RELN: variants seen among roughly 807,000 people sequenced by gnomAD.
RELN encodes the protein reelin.
A neutral mutation model predicts 427.6 loss-of-function variants in RELN; 108 were observed. The ratio of observed to expected loss-of-function variants is 0.25; its 90% CI spans 0.22 to 0.30. The LOEUF is 0.30. RELN is among the 10% of genes least tolerant of loss of function. The pLI is 1.00. For synonymous variants in RELN, 1,524 were observed against 1,513.4 expected, an observed-to-expected ratio of 1.01 and a Z score of -0.16; for missense variants, 3,715 against 4,302.8, an observed-to-expected ratio of 0.86 and a Z score of 3.82.
chr7:103,956,724 T>C (rs1271988892), intron 1 of RELN, among the ~76,000 whole-genome samples: 4 of 152,152 alleles, frequency 2.6e-5, no homozygotes, highest in Admixed American at 6.6e-5. Flanking sequence ...AATTTCAATG[T>C]AGACTTGAAA....
chr7:103,949,352 C>G (rs1176899516), intron 1 of RELN, among the ~76,000 whole-genome samples: 1 of 150,308 alleles, frequency 6.7e-6, no homozygotes, highest in Non-Finnish European at 1.5e-5. Flanking sequence ...ATCCTAGTCC[C>G]CATCCAAATT....
intron 2 of RELN, among the ~76,000 whole-genome samples, chr7:103,877,050 C>T (rs935489577): frequency 6.6e-6 from 1 of 152,026 alleles, no homozygotes; most frequent in Non-Finnish European, 1.5e-5. Context: ...CCCCTATGCC[C>T]TCACCCAGTG....
intron 1 of RELN, among the ~76,000 whole-genome samples, chr7:103,924,991 T>TACACATAC (rs757234824): frequency 4.1e-5 from 2 of 49,048 alleles, no homozygotes; most frequent in East Asian, 6.2e-4. Context: ...CGCATACACA[T>TACACATAC]ACACACACAC....
intron 3 of RELN, among the ~76,000 whole-genome samples, chr7:103,801,810 T>C (rs2116313347): frequency 6.6e-6 from 1 of 152,284 alleles, no homozygotes; most frequent in Non-Finnish European, 1.5e-5. Flanking sequence ...TTAAAGAATT[T>C]ATCCACACAA....
intron 63 of RELN, among the ~76,000 whole-genome samples, chr7:103,479,402 C>T (rs896032639): frequency 2.0e-5 from 3 of 152,196 alleles, no homozygotes; most frequent in Admixed American, 1.3e-4. Flanking sequence ...TGTTATGCCA[C>T]ATCATTCAGA....
intron 11 of RELN, among the ~76,000 whole-genome samples, chr7:103,678,454 TA>T (rs1833585406): frequency 6.6e-6 from 1 of 152,142 alleles, no homozygotes; most frequent in East Asian, 1.9e-4. Flanking sequence ...AAATCCCACT[TA>T]AAAAAATAAA....
At chr7:103,561,279 A>G (rs1830635470) in intron 36 of RELN, among the ~76,000 whole-genome samples, 1 of 152,262 alleles carries the variant, frequency 6.6e-6, no homozygotes, top group Non-Finnish European at 1.5e-5. Flanking sequence ...CTACATATAA[A>G]TTTATGTATA....
At chr7:103,746,202 C>T (rs200245443) in intron 6 of RELN, among the ~76,000 whole-genome samples, 2 of 151,830 alleles carry the variant, frequency 1.3e-5, no homozygotes, top group Non-Finnish European at 2.9e-5. Flanking sequence ...GCTGGGAAAA[C>T]TGGCTAGCCA....
chr7:103,575,056 A>C (rs1584309539), intron 29 of RELN, among the ~76,000 whole-genome samples: 2 of 152,344 alleles, frequency 1.3e-5, no homozygotes, highest in African/African-American at 4.8e-5. Flanking sequence ...GCAGCCATGC[A>C]GCATGTGGTT....
chr7:103,480,408 T>C (rs1303972541), intron 63 of RELN, among the ~76,000 whole-genome samples: 3 of 152,174 alleles, frequency 2.0e-5, no homozygotes, highest in Non-Finnish European at 4.4e-5. Flanking sequence ...ATGAATGAAT[T>C]GAAGTAATTA....
intron 1 of RELN, among the ~76,000 whole-genome samples, chr7:103,956,951 G>C (rs1258479805): frequency 6.6e-6 from 1 of 152,164 alleles, no homozygotes; most frequent in African/African-American, 2.4e-5. Flanking sequence ...TTAAGCCAAA[G>C]AGAAGATTAA....
intron 2 of RELN, among the ~76,000 whole-genome samples, chr7:103,908,543 G>C (rs1341431928): frequency 6.6e-6 from 1 of 152,096 alleles, no homozygotes; most frequent in Non-Finnish European, 1.5e-5. Context: ...ACGTTGAACT[G>C]ACTTTCTCTA....
chr7:103,594,611 T>C (rs1444848495), intron 25 of RELN, 119 bp from the exon 26 acceptor site: 8 of 1,107,662 alleles, frequency 7.2e-6, no homozygotes, highest in Non-Finnish European at 1.1e-5. Context: ...GATCTCAATA[T>C]TTTCCAAAAG....
At chr7:103,815,207 A>ATT (rs59908355) in intron 3 of RELN, among the ~76,000 whole-genome samples, 1 of 151,984 alleles carries the variant, frequency 6.6e-6, no homozygotes, top group Non-Finnish European at 1.5e-5. Context: ...TTGCTATGGA[A>ATT]TTTTTTTTCC....
chr7:103,504,609 G>A (rs1829145141), intron 51 of RELN: 1 of 152,310 alleles, frequency 6.6e-6, no homozygotes, highest in African/African-American at 2.4e-5. Flanking sequence ...CATGGAGGGT[G>A]AGCTGAAGCA....
At chr7:103,711,138 AC>A (rs1483437630) in intron 8 of RELN, among the ~76,000 whole-genome samples, 1 of 152,262 alleles carries the variant, frequency 6.6e-6, no homozygotes, top group Non-Finnish European at 1.5e-5. Flanking sequence ...CAGGGAGTTA[AC>A]AAAAATGTTG....
At chr7:103,722,462 A>T (rs1327260912) in intron 8 of RELN, among the ~76,000 whole-genome samples, 1 of 152,162 alleles carries the variant, frequency 6.6e-6, no homozygotes, top group Non-Finnish European at 1.5e-5. Flanking sequence ...AAAAGACAAC[A>T]TGTTTCTTCC....
intron 1 of RELN, among the ~76,000 whole-genome samples, chr7:103,920,855 T>C (rs1192661090): frequency 2.0e-5 from 3 of 152,186 alleles, no homozygotes; most frequent in Non-Finnish European, 2.9e-5. Flanking sequence ...ATTACAGGCA[T>C]GAGCCACCAT....
intron 42 of RELN, among the ~76,000 whole-genome samples, chr7:103,543,224 A>AAG (rs1830213607): frequency 1.3e-5 from 2 of 152,274 alleles, no homozygotes; most frequent in Admixed American, 6.5e-5. Context: ...GGGGCTGTGT[A>AAG]GCCTTTCCAC....
Sources: gnomAD v4.1 joint callset for allele counts (sites outside exome capture counted in the v4.1 genomes callset) on GRCh38, gnomAD v4.1.1 for gene constraint, MANE v1.5 for transcripts, NCBI Gene and HGNC (gene_info 2026-07-23, HGNC 2026-07-21) for gene names.